Variants in BMPER observed in about 807,000 individuals in gnomAD.
BMPER encodes the protein BMP binding endothelial regulator.
In BMPER, 45 loss-of-function variants were observed where a neutral mutation model predicts 87.3. The ratio of observed to expected loss-of-function variants is 0.52; its 90% confidence interval spans 0.41 to 0.66. BMPER has a LOEUF of 0.66. Ranked by LOEUF, BMPER falls within the 30% of genes least tolerant of loss-of-function variation. The pLI, the probability that BMPER is intolerant of heterozygous loss-of-function variation, is 0.00. For synonymous variants in BMPER, 326 were observed against 316.2 expected (o/e 1.03, Z -0.33); for missense variants, 784 against 867.5 (o/e 0.90, Z 1.21).
At chr7:34,101,985 C>G (rs951702664) in intron 13 of BMPER, among the ~76,000 whole-genome samples, 3 of 152,126 alleles carry the variant, frequency 2.0e-5, no homozygotes, top group Non-Finnish European at 2.9e-5. Context: ...TTTCTAGTTG[C>G]CTATGAAGAA....
chr7:33,974,068 T>C (rs572866087), intron 5 of BMPER, among the ~76,000 whole-genome samples: 14 of 152,204 alleles, frequency 9.2e-5, no homozygotes, highest in Admixed American at 1.3e-4. Context: ...TTCTTGCCTT[T>C]GTACCTGGCC....
chr7:34,003,669 T>C lies in BMPER; in HGVS notation c.576+28885T>C, dbSNP rs577779408. ...CTTGGTAATGTCTTAATTTCTCCCTTGTGTTGCAACAACAGTTTTGTTGCA... is the reference window on the plus strand; with the variant it reads ...CTTGGTAATGTCTTAATTTCTCCCTCGTGTTGCAACAACAGTTTTGTTGCA... On this transcript the variant is annotated intron_variant, in intron 6 of 14. Transcript: ENST00000649409. Among the ~76,000 whole-genome samples the C allele has an allele frequency of 6.6e-5, 10 of 152,190 alleles. No individual in the cohort carries two copies. The South Asian group carries it at 2.1e-3, about 32-fold the overall frequency.
intron 11 of BMPER, 70 bp downstream of exon 11, chr7:34,062,117 G>T: frequency 7.3e-7 from 1 of 1,375,240 alleles, no homozygotes. Flanking sequence ...AAGAAAAATA[G>T]GGGTGTATGT....
chr7:34,137,456 T>C (rs984538862), intron 13 of BMPER, among the ~76,000 whole-genome samples: 1 of 152,254 alleles, frequency 6.6e-6, no homozygotes, highest in African/African-American at 2.4e-5. Context: ...TTTGAATGAT[T>C]CACTGAATAT....
chr7:33,966,337 TG>T (rs1785405474), intron 3 of BMPER, 141 bp from the exon 4 acceptor site: 1 of 709,524 alleles, frequency 1.4e-6, no homozygotes, highest in Admixed American at 2.1e-5. Context: ...AGTTGTGTTT[TG>T]GGGAAAAATA....
intron 5 of BMPER, among the ~76,000 whole-genome samples, chr7:33,971,803 T>C (rs1449424215): frequency 6.6e-6 from 1 of 152,222 alleles, no homozygotes; most frequent in Non-Finnish European, 1.5e-5. Context: ...AACCCTGACA[T>C]TGATAACAGA....
intron 13 of BMPER, among the ~76,000 whole-genome samples, chr7:34,128,845 A>G (rs1298538019): frequency 6.6e-6 from 1 of 152,206 alleles, no homozygotes; most frequent in African/African-American, 2.4e-5. Flanking sequence ...CCGAGCTCCT[A>G]TCACAGACAT....
chr7:33,934,357 C>T (rs1784552145), intron 2 of BMPER, among the ~76,000 whole-genome samples: 1 of 152,118 alleles, frequency 6.6e-6, no homozygotes, highest in Non-Finnish European at 1.5e-5. Context: ...CCAAAGACTA[C>T]TCCACATTCA....
chr7:34,048,822 G>A (rs1236051221), intron 7 of BMPER, among the ~76,000 whole-genome samples: 2 of 152,200 alleles, frequency 1.3e-5, no homozygotes, highest in Admixed American at 6.5e-5. Flanking sequence ...ACATGGAAAT[G>A]TCTTAAGTCA....
chr7:34,041,537 A>G (rs1001339449), intron 6 of BMPER, among the ~76,000 whole-genome samples: 2 of 152,198 alleles, frequency 1.3e-5, no homozygotes, highest in African/African-American at 4.8e-5. Context: ...AGCAAGATAC[A>G]GTTCTAGGCC....
intron 3 of BMPER, among the ~76,000 whole-genome samples, chr7:33,955,110 TG>T (rs1261791215): frequency 6.6e-6 from 1 of 152,212 alleles, no homozygotes; most frequent in African/African-American, 2.4e-5. Context: ...TTGGTCAGGC[TG>T]GTCTCAAACT....
chr7:34,104,762 G>A (rs894312734), intron 13 of BMPER, among the ~76,000 whole-genome samples: 1 of 152,112 alleles, frequency 6.6e-6, no homozygotes, highest in African/African-American at 2.4e-5. Flanking sequence ...CCTGGCCTCT[G>A]GTAACAAACT....
intron 13 of BMPER, among the ~76,000 whole-genome samples, chr7:34,087,245 C>G (rs1394912159): frequency 1.3e-5 from 2 of 152,138 alleles, no homozygotes; most frequent in Non-Finnish European, 2.9e-5. Flanking sequence ...CTTGAATTCT[C>G]TGGGTTCCCT....
At chr7:33,953,821 C>A (rs367732986) in intron 3 of BMPER, among the ~76,000 whole-genome samples, 12 of 152,134 alleles carry the variant, frequency 7.9e-5, no homozygotes, top group African/African-American at 2.2e-4. Context: ...CCCCTCAGCC[C>A]TTGGTAGCCT....
intron 6 of BMPER, among the ~76,000 whole-genome samples, chr7:33,998,478 ATG>A (rs1256493598): frequency 6.6e-6 from 1 of 152,178 alleles, no homozygotes; most frequent in East Asian, 1.9e-4. Flanking sequence ...GAGTTCTTGA[ATG>A]CTTTTCCTTC....
At chr7:33,966,681 G>C in intron 4 of BMPER, 120 bp downstream of exon 4, 204 of 906,998 alleles carry the variant, frequency 2.2e-4, no homozygotes, top group Middle Eastern at 7.8e-4. Context: ...AAAAAACAAT[G>C]AAAAAGCAAC....
At chr7:33,932,638 TA>T (rs1419315203) in intron 2 of BMPER, among the ~76,000 whole-genome samples, 5 of 152,154 alleles carry the variant, frequency 3.3e-5, no homozygotes, top group African/African-American at 1.2e-4. Flanking sequence ...TTTCATAGTC[TA>T]AAAATAAAGG....
rs550740860 is a variant in BMPER, at chr7:34,140,166, A to G, written c.1746-3064A>G. Among the ~76,000 whole-genome samples, 7 of 152,346 alleles carry G rather than the reference A, an allele frequency of 4.6e-5. No individual in the cohort carries two copies. In the South Asian group the frequency reaches 1.2e-3, roughly 27 times the overall value. ...TCTTCAAGCTTCAGCTTCCGTATCT[A>G]TTAAATGGAGCAGTGAAAATCTCTG... On this transcript the variant is annotated intron_variant, in intron 13 of 14. Coordinates refer to ENST00000649409, the MANE Select transcript of BMPER (RefSeq NM_001365308.1).
In BMPER at chr7:34,130,680, C is replaced by T. The variant is rs1014715266; in HGVS notation, c.1746-12550C>T. Among the ~76,000 whole-genome samples, 3 of 152,164 alleles carry T rather than the reference C, an allele frequency of 2.0e-5. No individual in the cohort carries two copies. In the East Asian group the frequency reaches 5.8e-4, roughly 29 times the overall value. On this transcript the variant is annotated intron_variant, in intron 13 of 14. Transcript: ENST00000649409. Reference sequence around the variant, plus strand: ...GAGTAGATGGAGTGAGGGATCGCTCCCATGGGGGTGTAGTTGCAGGGTGTG... The same window carrying T: ...GAGTAGATGGAGTGAGGGATCGCTCTCATGGGGGTGTAGTTGCAGGGTGTG...
Sources: allele counts gnomAD v4.1 joint callset (sites outside exome capture counted in the v4.1 genomes callset), GRCh38; gene constraint gnomAD v4.1.1; transcripts MANE v1.5; gene names NCBI Gene and HGNC (gene_info 2026-07-23, HGNC 2026-07-21).